Variants in TRAPPC12 observed in about 807,000 individuals in gnomAD.
TRAPPC12 encodes trafficking protein particle complex subunit 12, also known as TPR repeat protein 15.
In TRAPPC12, 61 loss-of-function variants were observed where a neutral mutation model predicts 69.2. The observed-to-expected ratio is 0.88, with a 90% CI of 0.72 to 1.09. The LOEUF is 1.09. TRAPPC12 is among the 50% of genes least tolerant of loss of function. The pLI, the probability that TRAPPC12 is intolerant of heterozygous loss-of-function variation, is 0.00. For missense variants in TRAPPC12, 1,101 were observed against 1,016.4 expected, an observed-to-expected ratio of 1.08 and a Z score of -1.13; for synonymous variants, 469 against 438.9, an observed-to-expected ratio of 1.07 and a Z score of -0.86.
At chr2:3,455,593 A>G (rs979773448) in intron 6 of TRAPPC12, 15 of 152,192 alleles carry the variant, frequency 9.9e-5, no homozygotes, top group African/African-American at 3.1e-4. Context: ...GATAAGTGAG[A>G]ACATACGATG....
At chr2:3,456,155 C>T (rs754481904) in intron 6 of TRAPPC12, 8 of 152,366 alleles carry the variant, frequency 5.3e-5, no homozygotes, top group Non-Finnish European at 7.3e-5. Context: ...TCCCCTGAGT[C>T]ATCGAGGTAG....
chr2:3,426,728 G>A (rs912392011), intron 5 of TRAPPC12, among the ~76,000 whole-genome samples: 2 of 152,204 alleles, frequency 1.3e-5, no homozygotes, highest in African/African-American at 2.4e-5. Flanking sequence ...CTCGGTGGTC[G>A]TGAGCACTGT....
At chr2:3,445,187 T>C (rs62120512) in intron 6 of TRAPPC12, among the ~76,000 whole-genome samples, 4 of 2,100 alleles carry the variant, frequency 1.9e-3, no homozygotes, top group African/African-American at 6.1e-3. Flanking sequence ...TCAGCTTTCC[T>C]GGTCCTGTTA....
intron 5 of TRAPPC12, among the ~76,000 whole-genome samples, chr2:3,428,751 G>A (rs1029393869): frequency 1.1e-4 from 17 of 152,250 alleles, no homozygotes; most frequent in Admixed American, 9.8e-4. Flanking sequence ...ACTCCCTCCT[G>A]CACACAGGAA....
Position 3,443,836 on chromosome 2 carries a change from G to A in TRAPPC12, c.1475G>A (p.Gly492Glu), listed in dbSNP as rs1390899247. The A allele has an allele frequency of 6.2e-7, 1 of 1,614,116 alleles. No individual in the cohort carries two copies. The highest frequency in any genetic ancestry group is 1.1e-5 in the South Asian group (1 of 91,086). Reference sequence around the variant, plus strand: ...CACGCGGAGCTTCAGCAGTACCTGGGGAACCCACAGGAGTCGCTGGATAGA... The same window carrying A: ...CACGCGGAGCTTCAGCAGTACCTGGAGAACCCACAGGAGTCGCTGGATAGA... ...ILHAELQQYL[G>E]NPQESLDRLH... Residue 492 changes from glycine (G) to glutamate (E), a missense_variant, in exon 6 of 12, where the codon GGG becomes GAG. By Grantham distance (98) the Gly-to-Glu change is moderately conservative. Transcript: ENST00000324266.
At chr2:3,399,836 A>G (rs529876115) in intron 2 of TRAPPC12, among the ~76,000 whole-genome samples, 1 of 150,304 alleles carries the variant, frequency 6.7e-6, no homozygotes, top group Non-Finnish European at 1.5e-5. Flanking sequence ...GCCGCCAAAA[A>G]AAAAAGGGTA....
chr2:3,446,142 A>G (rs1316430223), intron 6 of TRAPPC12, among the ~76,000 whole-genome samples: 1 of 152,226 alleles, frequency 6.6e-6, no homozygotes, highest in Non-Finnish European at 1.5e-5. Flanking sequence ...CTACAGTTCC[A>G]CCTGCCTCTC....
chr2:3,388,090 C>G lies in TRAPPC12; in HGVS notation c.467C>G (p.Pro156Arg). ...GAGCAGGAGCCTCCCGTTGCGGAGC[C>G]GGTCCCGGTGTGCACCATCTTCAGC... is the stretch of plus-strand genomic sequence containing the variant. ...RPEQEPPVAE[P>R]VPVCTIFSQR... Residue 156 changes from proline to arginine, a missense_variant, in exon 2 of 12, where the codon CCG becomes CGG. Transcript: ENST00000324266. 6.5e-7 allele frequency: 1 copy of G among 1,544,514 alleles called. No individual in the cohort carries two copies. The highest frequency in any genetic ancestry group is 8.7e-7 in the Non-Finnish European group (1 of 1,150,558).
intron 8 of TRAPPC12, among the ~76,000 whole-genome samples, chr2:3,461,724 C>T (rs1665514778): frequency 6.6e-6 from 1 of 151,264 alleles, no homozygotes; most frequent in South Asian, 2.1e-4. Flanking sequence ...CCTCACCCTC[C>T]TCCCACCCGC....
chr2:3,425,267 G>A (rs1048989551), intron 5 of TRAPPC12, among the ~76,000 whole-genome samples: 7 of 152,170 alleles, frequency 4.6e-5, no homozygotes, highest in African/African-American at 1.7e-4. Flanking sequence ...TGCAGTGTGC[G>A]TCTCTTGGTG....
In TRAPPC12 at chr2:3,414,332, C is replaced by A. The variant is rs1662220541; in HGVS notation, c.1165-7549C>A. 6.6e-6 allele frequency among the ~76,000 whole-genome samples: 1 copy of A among 152,166 alleles called. No individual in the cohort carries two copies. The highest frequency in any genetic ancestry group is 1.5e-5 in the Non-Finnish European group (1 of 68,026). On this transcript the variant is annotated intron_variant, in intron 3 of 11. Transcript: ENST00000324266. The surrounding 1 kb of genome is among the most constrained non-coding windows in gnomAD (Gnocchi z 4.9). ...AGGCACGTGTGATCTCAGAAGAAAT[C>A]TCACTTCGTCGTGTGATCCAGATAA...
In TRAPPC12 at chr2:3,388,131, G is replaced by A. The variant is rs1660594098; in HGVS notation, c.508G>A (p.Ala170Thr). ...CTIFSQRAPP[A>T]SGDGFEPQMV... Reference sequence around the variant, plus strand: ...CATCTTCAGCCAGCGCGCGCCCCCAGCCTCCGGGGACGGCTTCGAGCCGCA... The same window carrying A: ...CATCTTCAGCCAGCGCGCGCCCCCAACCTCCGGGGACGGCTTCGAGCCGCA... Residue 170 changes from alanine to threonine, a missense_variant, in exon 2 of 12, where the codon GCC becomes ACC. By Grantham distance (58) the Ala-to-Thr change is moderately conservative. Coordinates refer to ENST00000324266, the MANE Select transcript of TRAPPC12 (RefSeq NM_016030.6). The A allele has an allele frequency of 1.3e-6, 2 of 1,593,300 alleles. No homozygotes were observed. The highest frequency in any genetic ancestry group is 1.1e-5 in the South Asian group (1 of 89,366).
chr2:3,460,935 G>A (rs1192686617), intron 8 of TRAPPC12: 1 of 152,978 alleles, frequency 6.5e-6, no homozygotes, highest in African/African-American at 2.4e-5. Context: ...CTCCCACACT[G>A]GGCATCAGGG....
chr2:3,450,689 G>T (rs1664807451), intron 6 of TRAPPC12, among the ~76,000 whole-genome samples: 1 of 152,182 alleles, frequency 6.6e-6, no homozygotes, highest in South Asian at 2.1e-4. Context: ...GCTGTGGTGG[G>T]ACTGGAAGGT....
intron 2 of TRAPPC12, 72 bp downstream of exon 2, chr2:3,388,742 T>C (rs12999423): frequency 0.59 from 816,379 of 1,375,920 alleles, 243,610 homozygotes; most frequent in African/African-American, 0.7. Context: ...CAGTGCCCCT[T>C]TAGGGATGGA....
chr2:3,411,992 A>G (rs1662091357), intron 3 of TRAPPC12, among the ~76,000 whole-genome samples: 1 of 152,104 alleles, frequency 6.6e-6, no homozygotes. Flanking sequence ...TTGTTTTGCT[A>G]GTGAAGATCA....
intron 2 of TRAPPC12, among the ~76,000 whole-genome samples, chr2:3,392,058 G>A (rs778995963): frequency 6.6e-6 from 1 of 152,146 alleles, no homozygotes; most frequent in Non-Finnish European, 1.5e-5. Context: ...GAAAGGGGGA[G>A]AGGTGTTTCA....
chr2:3,432,550 T>C (rs777157176), intron 5 of TRAPPC12, among the ~76,000 whole-genome samples: 16 of 152,244 alleles, frequency 1.1e-4, no homozygotes, highest in Non-Finnish European at 1.8e-4. Context: ...ATGACAAAAT[T>C]ACCTCACCTT....
intron 2 of TRAPPC12, chr2:3,389,833 G>A: frequency 2.1e-6 from 1 of 468,762 alleles, no homozygotes; most frequent in Non-Finnish European, 4.4e-6. Context: ...AGCAGAGAGG[G>A]GAGGCGAGGG....
Sources: allele counts gnomAD v4.1 joint callset (sites outside exome capture counted in the v4.1 genomes callset), GRCh38; gene constraint gnomAD v4.1.1; non-coding constraint Gnocchi (gnomAD v3.1); transcripts MANE v1.5; gene names NCBI Gene and HGNC (gene_info 2026-07-23, HGNC 2026-07-21).